KIF13B: variants seen among roughly 807,000 people sequenced by gnomAD.
The protein encoded by KIF13B is kinesin family member 13B.
In KIF13B, 127 loss-of-function variants were observed where a neutral mutation model predicts 222.0. The observed-to-expected ratio is 0.57, with a 90% CI of 0.50 to 0.66. KIF13B has a LOEUF of 0.66. Among genes scored for constraint, KIF13B ranks in the 30% least tolerant of loss-of-function variants. The probability of loss-of-function intolerance (pLI) is 0.00; values close to 1 mark genes in which losing one functional copy is unlikely to be tolerated. For missense variants in KIF13B, 2,173 were observed against 2,379.0 expected, an observed-to-expected ratio of 0.91 and a Z score of 1.80; for synonymous variants, 976 against 919.0, an observed-to-expected ratio of 1.06 and a Z score of -1.12.
At chr8:29,223,800 TC>T (rs1487716587) in intron 2 of KIF13B, among the ~76,000 whole-genome samples, 1 of 152,198 alleles carries the variant, frequency 6.6e-6, no homozygotes, top group Non-Finnish European at 1.5e-5. Context: ...CAAGTGATTC[TC>T]CTGCCTCAGC....
At chr8:29,073,651 T>G (rs1362802988) in intron 38 of KIF13B, among the ~76,000 whole-genome samples, 1 of 152,246 alleles carries the variant, frequency 6.6e-6, no homozygotes, top group African/African-American at 2.4e-5. Flanking sequence ...ATTTTCCATT[T>G]GAAATACGGG....
At chr8:29,091,262 G>A (rs988530958) in intron 37 of KIF13B, among the ~76,000 whole-genome samples, 1 of 152,154 alleles carries the variant, frequency 6.6e-6, no homozygotes, top group Admixed American at 6.5e-5. Flanking sequence ...ATCACTCGTT[G>A]CCAAAACAGT....
chr8:29,127,290 G>C, intron 24 of KIF13B, 22 bp from the exon 25 acceptor site: 1 of 1,606,054 alleles, frequency 6.2e-7, no homozygotes, highest in Non-Finnish European at 8.5e-7. Context: ...ACAATTTAGA[G>C]TCTTAAAATC....
chr8:29,085,849 C>CAAAA (rs752162185), intron 37 of KIF13B, among the ~76,000 whole-genome samples: 12 of 67,314 alleles, frequency 1.8e-4, no homozygotes, highest in Admixed American at 5.0e-4. Flanking sequence ...GAGCCCGTAA[C>CAAAA]AAAAAAAAAA....
intron 14 of KIF13B, among the ~76,000 whole-genome samples, chr8:29,151,429 G>A (rs547692076): frequency 7.2e-5 from 11 of 152,306 alleles, no homozygotes; most frequent in Admixed American, 6.5e-4. Flanking sequence ...ATGTCATCTC[G>A]AACTTTCTTA....
chr8:29,074,024 C>T (rs144829994), intron 38 of KIF13B, among the ~76,000 whole-genome samples: 205 of 152,202 alleles, frequency 1.3e-3, no homozygotes, highest in Non-Finnish European at 2.0e-3. Flanking sequence ...ACTGACCCAA[C>T]AGGGGAGAAT....
At chr8:29,140,219 T>G (rs1290014324) in intron 20 of KIF13B, 28 bp from the exon 21 acceptor site, 1 of 1,612,374 alleles carries the variant, frequency 6.2e-7, no homozygotes, top group African/African-American at 1.3e-5. Context: ...GGCAGAAACA[T>G]TTCTCCAGAT....
At chr8:29,232,268 AAATT>A (rs892260832) in intron 2 of KIF13B, among the ~76,000 whole-genome samples, 10 of 151,828 alleles carry the variant, frequency 6.6e-5, no homozygotes, top group African/African-American at 2.2e-4. Context: ...GACTAAAAAT[AAATT>A]AATTAATTAA....
At chr8:29,081,656 G>A (rs1261080653) in intron 37 of KIF13B, among the ~76,000 whole-genome samples, 1 of 152,134 alleles carries the variant, frequency 6.6e-6, no homozygotes, top group Non-Finnish European at 1.5e-5. Flanking sequence ...AATACACTAG[G>A]TTAAACAAAT....
rs139579038 is a variant in KIF13B, at chr8:29,133,659, A to T, written c.2784+381T>A. Among the ~76,000 whole-genome samples, 42 of 152,322 alleles carry T rather than the reference A, an allele frequency of 2.8e-4. 3 individuals carry two copies. The highest frequency in any genetic ancestry group is 9.9e-4 in the African/African-American group (41 of 41,586). On this transcript the variant is annotated intron_variant, in intron 22 of 39. Transcript: ENST00000524189. ...ATAACTACGGTGGAGGATCCAAATG[A>T]AGGAATAACAAAGAGCTTTACAGAG... is the stretch of plus-strand genomic sequence containing the variant.
chr8:29,237,827 T>A (rs537163067), intron 2 of KIF13B, among the ~76,000 whole-genome samples: 1 of 152,208 alleles, frequency 6.6e-6, no homozygotes, highest in Non-Finnish European at 1.5e-5. Context: ...AGAGTCTCCC[T>A]GATTCATCTT....
intron 11 of KIF13B, among the ~76,000 whole-genome samples, chr8:29,166,794 T>C (rs894691647): frequency 6.6e-6 from 1 of 152,032 alleles, no homozygotes; most frequent in African/African-American, 2.4e-5. Context: ...AGGTCAGAGT[T>C]GGTAGGTTTT....
intron 21 of KIF13B, among the ~76,000 whole-genome samples, chr8:29,137,380 G>A (rs1296626678): frequency 1.3e-5 from 2 of 152,230 alleles, no homozygotes; most frequent in Non-Finnish European, 2.9e-5. Context: ...CCACCACAAG[G>A]TGTCAGAGTA....
In KIF13B at chr8:29,070,458, A is replaced by G. The variant is rs767496653; in HGVS notation, c.*46T>C. The G allele has an allele frequency of 6.3e-7, 1 of 1,595,752 alleles. No individual in the cohort carries two copies. Among genetic ancestry groups the G allele is most frequent in the Non-Finnish European group, 8.5e-7 (1 of 1,171,334 alleles). On this transcript the variant is annotated 3_prime_UTR_variant, in exon 40 of 40. Coordinates refer to ENST00000524189, the MANE Select transcript of KIF13B (RefSeq NM_015254.4). The surrounding 1 kb of genome is among the most constrained non-coding windows in gnomAD (Gnocchi z 4.1). ...CTCAGGGCTGTCACTGGCAGGGCTCAAAAGGGGCCGGGCACCCCCAGAAAA... is the reference window on the plus strand; with the variant it reads ...CTCAGGGCTGTCACTGGCAGGGCTCGAAAGGGGCCGGGCACCCCCAGAAAA...
In KIF13B at chr8:29,191,002, T is replaced by C; in HGVS notation, c.218A>G (p.Tyr73Cys). The change falls in exon 4 of 40, where the codon TAT (tyrosine) becomes TGT (cysteine). Residue 73 changes from tyrosine (Y) to cysteine (C), a missense_variant. Tyr to Cys is a radical substitution (Grantham distance 194). This residue lies in a region of KIF13B where 1,480 missense variants were observed against 1,722.8 expected (regional missense o/e 0.86). Coordinates refer to ENST00000524189, the MANE Select transcript of KIF13B (RefSeq NM_015254.4). ...AGGATGCTGGATTCTATTACCTGCATACTTTTCTTTGACAGATTCATCCAT... is the reference window on the plus strand; with the variant it reads ...AGGATGCTGGATTCTATTACCTGCACACTTTTCTTTGACAGATTCATCCAT... Reference protein sequence around the residue: ...WSMDESVKEKYAGQDIVFKCL... With the variant: ...WSMDESVKEKCAGQDIVFKCL... 3 of 1,612,216 alleles carry C rather than the reference T, an allele frequency of 1.9e-6. No individual in the cohort carries two copies. The highest frequency in any genetic ancestry group is 2.5e-6 in the Non-Finnish European group (3 of 1,178,328).
Position 29,081,650 on chromosome 8 carries a change from C to T in KIF13B, c.4459-6307G>A, listed in dbSNP as rs1460683229. 2.0e-5 allele frequency among the ~76,000 whole-genome samples: 3 copies of T among 152,330 alleles called. No homozygotes were observed. In the South Asian group the frequency reaches 6.2e-4, roughly 32 times the overall value. On this transcript the variant is annotated intron_variant, in intron 37 of 39. Transcript: ENST00000524189. ...AGTTGATATGACAGTATTTTCAATA[C>T]ACTAGGTTAAACAAATGTTATTAAA...
chr8:29,203,823 G>A (rs1434391214), intron 2 of KIF13B, among the ~76,000 whole-genome samples: 1 of 149,464 alleles, frequency 6.7e-6, no homozygotes, highest in Non-Finnish European at 1.5e-5. Context: ...GAAGCCGGGA[G>A]GCGGAGGTTG....
chr8:29,250,218 A>G, intron 1 of KIF13B: 1 of 383,148 alleles, frequency 2.6e-6, no homozygotes, highest in East Asian at 7.4e-5. Flanking sequence ...GTTCTCATAC[A>G]GAATACATCT....
chr8:29,210,003 C>T (rs1298969673), intron 2 of KIF13B, among the ~76,000 whole-genome samples: 3 of 151,888 alleles, frequency 2.0e-5, no homozygotes, highest in Non-Finnish European at 4.4e-5. Context: ...CTGCAGTAAG[C>T]CATGATTGCA....
Sources: gnomAD v4.1 joint callset for allele counts (sites outside exome capture counted in the v4.1 genomes callset) on GRCh38, gnomAD v4.1.1 for gene constraint, gnomAD v4.1.1 regional missense constraint, Gnocchi (gnomAD v3.1) non-coding constraint, MANE v1.5 for transcripts, NCBI Gene and HGNC (gene_info 2026-07-23, HGNC 2026-07-21) for gene names.